The following OSBPL10 variants were observed in gnomAD, a reference collection of about 807,000 sequenced individuals.
OSBPL10 encodes the protein oxysterol binding protein like 10, also known as oxysterol-binding protein-related protein 10.
A neutral mutation model predicts 81.7 loss-of-function variants in OSBPL10; 49 were observed. That is an observed-to-expected ratio of 0.60 (90% confidence interval 0.48 to 0.76). The LOEUF (loss-of-function observed/expected upper bound fraction) is 0.76, where lower values mean the gene tolerates loss of function less well. OSBPL10 is among the 30% of genes least tolerant of loss of function. OSBPL10 has a pLI of 0.00. For missense variants in OSBPL10, 923 were observed against 987.8 expected, an observed-to-expected ratio of 0.93 and a Z score of 0.88; for synonymous variants, 419 against 383.6, an observed-to-expected ratio of 1.09 and a Z score of -1.08.
intron 2 of OSBPL10, among the ~76,000 whole-genome samples, chr3:32,008,784 CA>C (rs1559548599): frequency 7.1e-6 from 1 of 141,326 alleles, no homozygotes. Context: ...AAAAGAAGAA[CA>C]AAAAAAGAAG....
intron 2 of OSBPL10, among the ~76,000 whole-genome samples, chr3:31,987,647 C>G (rs1445457164): frequency 6.6e-6 from 1 of 152,206 alleles, no homozygotes; most frequent in Admixed American, 6.5e-5. Context: ...CATCCTCTAG[C>G]AGGCCAGCCC....
chr3:31,879,562 G>C lies in OSBPL10; in HGVS notation c.457+93C>G, dbSNP rs1259502206. On this transcript the variant is annotated intron_variant, in intron 2 of 11. Transcript: ENST00000396556. ...CCTCCAAACACAGCAAACTGTCAAA[G>C]GCAATTTAAAAAAACAAAAAATCAA... 4 of 1,336,542 alleles carry C rather than the reference G, an allele frequency of 3.0e-6. No individual in the cohort carries two copies. In the Admixed American group the frequency reaches 9.5e-5, roughly 32 times the overall value. The allele number at this position is 1,336,542 out of a possible 1,614,324, so 82.8% of individuals were successfully genotyped here.
chr3:31,686,901 T>TA (rs1700806030), intron 7 of OSBPL10, among the ~76,000 whole-genome samples: 1 of 152,162 alleles, frequency 6.6e-6, no homozygotes, highest in Non-Finnish European at 1.5e-5. Flanking sequence ...AGCTGTCCAA[T>TA]AGCAGAGTAA....
intron 5 of OSBPL10, among the ~76,000 whole-genome samples, chr3:31,740,648 G>T (rs1230590802): frequency 6.6e-6 from 1 of 151,866 alleles, no homozygotes; most frequent in African/African-American, 2.4e-5. Context: ...TACACCTGCA[G>T]TCCCAGCTCT....
At chr3:31,906,865 T>C (rs1696422209) in intron 1 of OSBPL10, 2 of 152,228 alleles carry the variant, frequency 1.3e-5, no homozygotes, top group South Asian at 4.1e-4. Context: ...AAACTTGATT[T>C]TGAAAAACTG....
At chr3:31,750,769 T>A (rs1370116232) in intron 4 of OSBPL10, among the ~76,000 whole-genome samples, 2 of 152,112 alleles carry the variant, frequency 1.3e-5, no homozygotes, top group African/African-American at 4.8e-5. Context: ...AATCTTAAGA[T>A]TTTATTCACC....
At chr3:31,685,919 AG>A (rs761824404) in intron 7 of OSBPL10, among the ~76,000 whole-genome samples, 2 of 152,198 alleles carry the variant, frequency 1.3e-5, no homozygotes, top group Non-Finnish European at 2.9e-5. Flanking sequence ...TGGCAGTGTT[AG>A]GAAGTGGGGA....
At chr3:31,738,939 A>T (rs1162256437) in intron 5 of OSBPL10, among the ~76,000 whole-genome samples, 2 of 152,236 alleles carry the variant, frequency 1.3e-5, no homozygotes, top group African/African-American at 4.8e-5. Flanking sequence ...GTAGTAAGCA[A>T]TGAACCCAGT....
rs1699754691 is a variant in OSBPL10, at chr3:32,061,733, G to A, written n.186-15130C>T. On this transcript the variant is annotated intron_variant and non_coding_transcript_variant, in intron 1 of 3. Transcript: ENST00000479173. ...AGCTCACTGCAGCCTTGACCTCTCA[G>A]GCTGAAGCCATCCTCCCACCTCAGC... 2.2e-5 allele frequency among the ~76,000 whole-genome samples: 2 copies of A among 91,902 alleles called. 1 individual carries two copies. Among genetic ancestry groups the A allele is most frequent in the Non-Finnish European group, 5.8e-5 (2 of 34,338 alleles). 60.3% of individuals were successfully genotyped at this position (91,902 alleles called of 152,430 possible). A position where few individuals can be genotyped will look rare whatever the true frequency, so the allele number is the denominator to read the frequency against.
intron 3 of OSBPL10, among the ~76,000 whole-genome samples, chr3:31,859,454 T>C (rs1245046137): frequency 6.6e-6 from 1 of 152,228 alleles, no homozygotes; most frequent in Non-Finnish European, 1.5e-5. Context: ...AACATAAGTT[T>C]CAAAGGGCAG....
chr3:31,834,223 A>G (rs1223851445), intron 3 of OSBPL10, among the ~76,000 whole-genome samples: 1 of 152,190 alleles, frequency 6.6e-6, no homozygotes, highest in Non-Finnish European at 1.5e-5. Flanking sequence ...CTTCGCTATT[A>G]ATTTAAAATA....
intron 3 of OSBPL10, among the ~76,000 whole-genome samples, chr3:31,831,196 C>G (rs537724661): frequency 1.3e-5 from 2 of 152,246 alleles, no homozygotes; most frequent in South Asian, 4.2e-4. Flanking sequence ...CACCTGAGGT[C>G]AGGAGTTCAA....
intron 4 of OSBPL10, among the ~76,000 whole-genome samples, chr3:31,759,852 T>A (rs1697981635): frequency 6.6e-6 from 1 of 152,132 alleles, no homozygotes; most frequent in Admixed American, 6.5e-5. Flanking sequence ...CTCTGCCTCC[T>A]GGGTTCAAGT....
intron 10 of OSBPL10, 131 bp from the exon 11 acceptor site, chr3:31,664,363 T>G: frequency 1.2e-6 from 1 of 820,672 alleles, no homozygotes; most frequent in Non-Finnish European, 1.9e-6. Context: ...TCATCCCAGA[T>G]ACCTCAAAGA....
intron 3 of OSBPL10, among the ~76,000 whole-genome samples, chr3:31,857,242 T>C (rs1700934886): frequency 6.6e-6 from 1 of 152,166 alleles, no homozygotes; most frequent in Non-Finnish European, 1.5e-5. Flanking sequence ...ACAGAGACTA[T>C]TAATCACTAT....
At chr3:31,938,789 T>C (rs76635416) in intron 1 of OSBPL10, among the ~76,000 whole-genome samples, 3,600 of 152,220 alleles carry the variant, frequency 0.024, 158 homozygotes, top group African/African-American at 0.081. Context: ...CCAACATGCC[T>C]GGCCAGAGGC....
intron 1 of OSBPL10, among the ~76,000 whole-genome samples, chr3:32,070,384 T>C (rs1699820241): frequency 6.6e-6 from 1 of 152,168 alleles, no homozygotes; most frequent in African/African-American, 2.4e-5. Flanking sequence ...TTTAACCAAA[T>C]TATCTGCTTC....
intron 1 of OSBPL10, among the ~76,000 whole-genome samples, chr3:32,075,948 G>A (rs1268029893): frequency 2.6e-5 from 4 of 152,062 alleles, no homozygotes; most frequent in South Asian, 2.1e-4. Context: ...AATGTACTTC[G>A]TAATCTCCCC....
chr3:31,676,417 TAATC>T (rs1234026716), intron 8 of OSBPL10, among the ~76,000 whole-genome samples: 1 of 150,362 alleles, frequency 6.7e-6, no homozygotes, highest in African/African-American at 2.4e-5. Flanking sequence ...AAACATCAAA[TAATC>T]AATCCTTCCA....
Sources: gnomAD v4.1 joint callset for allele counts (sites outside exome capture counted in the v4.1 genomes callset) on GRCh38, gnomAD v4.1.1 for gene constraint, MANE v1.5 for transcripts, NCBI Gene and HGNC (gene_info 2026-07-23, HGNC 2026-07-21) for gene names.